Variants in FNDC1 observed in about 807,000 individuals in gnomAD.
The protein encoded by FNDC1 is fibronectin type III domain-containing protein 1.
FNDC1 carries 96 observed loss-of-function variants against 168.0 expected under a neutral mutation model. The observed-to-expected ratio is 0.57, with a 90% CI of 0.48 to 0.68. The LOEUF is 0.68. Ranked by LOEUF, FNDC1 falls within the 30% of genes least tolerant of loss-of-function variation. The pLI, the probability that FNDC1 is intolerant of heterozygous loss-of-function variation, is 0.00. For missense variants in FNDC1, 2,587 were observed against 2,482.1 expected, an observed-to-expected ratio of 1.04 and a Z score of -0.90; for synonymous variants, 1,099 against 1,025.9, an observed-to-expected ratio of 1.07 and a Z score of -1.36.
intron 4 of FNDC1, among the ~76,000 whole-genome samples, chr6:159,201,366 A>G (rs1279412282): frequency 6.6e-6 from 1 of 152,206 alleles, no homozygotes; most frequent in Non-Finnish European, 1.5e-5. Context: ...TTGATAGTGT[A>G]GGTGGTCTTC....
At chr6:159,190,622 G>A (rs917500923) in intron 1 of FNDC1, among the ~76,000 whole-genome samples, 1 of 152,182 alleles carries the variant, frequency 6.6e-6, no homozygotes, top group Non-Finnish European at 1.5e-5. Context: ...CACAATGGTG[G>A]CCACACGTTA....
chr6:159,259,264 TG>T (rs1266660790), intron 18 of FNDC1, among the ~76,000 whole-genome samples: 2 of 152,214 alleles, frequency 1.3e-5, no homozygotes, highest in East Asian at 3.8e-4. Context: ...AATTTCATAT[TG>T]TTTTTCAGCT....
intron 1 of FNDC1, among the ~76,000 whole-genome samples, chr6:159,188,847 A>T (rs1244184116): frequency 6.6e-6 from 1 of 150,896 alleles, no homozygotes; most frequent in Non-Finnish European, 1.5e-5. Context: ...TCCCAGGTTC[A>T]AGCGATTATC....
intron 9 of FNDC1, among the ~76,000 whole-genome samples, chr6:159,228,384 GATTTA>G (rs1783001430): frequency 6.6e-6 from 1 of 152,094 alleles, no homozygotes; most frequent in Non-Finnish European, 1.5e-5. Context: ...TTTCCAGATG[GATTTA>G]ATTTATTTTA....
chr6:159,235,165 T>C (rs934576319), intron 11 of FNDC1, among the ~76,000 whole-genome samples: 2 of 152,220 alleles, frequency 1.3e-5, no homozygotes, highest in Non-Finnish European at 2.9e-5. Flanking sequence ...TGTATTTCTA[T>C]AACAGAGGGT....
rs1288673491 is a variant in FNDC1 at position 159,271,804 on chromosome 6, CT to C, written c.*364del. 2 of 177,210 alleles carry C rather than the reference CT, an allele frequency of 1.1e-5. No homozygotes were observed. Among genetic ancestry groups the C allele is most frequent in the Non-Finnish European group, 2.4e-5 (2 of 83,352 alleles). 11.0% of individuals were successfully genotyped at this position (177,210 alleles called of 1,614,324 possible). A position where few individuals can be genotyped will look rare whatever the true frequency, so the allele number is the denominator to read the frequency against. The stretch of plus-strand genomic sequence containing the variant: ...CCAGGAATAGCATATGCACGCTGTT[CT>C]TGCTTCATGGAATGCTACATGCTTT... On this transcript the variant is annotated 3_prime_UTR_variant, in exon 23 of 23. Transcript: ENST00000297267.
chr6:159,184,165 A>G (rs1001775364), intron 1 of FNDC1, among the ~76,000 whole-genome samples: 1 of 152,246 alleles, frequency 6.6e-6, no homozygotes, highest in African/African-American at 2.4e-5. Context: ...AATGGGGATC[A>G]AAGAGAAAAT....
rs1477936347 is a variant in FNDC1 at position 159,232,866 on chromosome 6, A to G, written c.2354A>G (p.Asp785Gly). 1.2e-6 allele frequency: 2 copies of G among 1,613,570 alleles called. No individual in the cohort carries two copies. The highest frequency in any genetic ancestry group is 1.3e-5 in the African/African-American group (1 of 74,934). The change falls in exon 11 of 23, where the codon GAT becomes GGT. Residue 785 changes from aspartate (D) to glycine (G), a missense_variant. Asp to Gly is a moderately conservative substitution (Grantham distance 94, BLOSUM62 -1). Coordinates refer to ENST00000297267, the MANE Select transcript of FNDC1 (RefSeq NM_032532.3). The surrounding 1 kb of genome is among the most constrained non-coding windows in gnomAD (Gnocchi z 4.9). ...TQVSEGAEASDGESHGDGDRE... is the reference protein window; with the variant it reads ...TQVSEGAEASGGESHGDGDRE... ...GTCTCTGAGGGAGCGGAGGCTTCTG[A>G]TGGTGAAAGCCACGGTGACGGCGAT...
At chr6:159,229,634 CGAAT>C (rs1783038947) in intron 9 of FNDC1, among the ~76,000 whole-genome samples, 177 bp from the exon 10 acceptor site, 1 of 152,158 alleles carries the variant, frequency 6.6e-6, no homozygotes, top group Non-Finnish European at 1.5e-5. Context: ...TGTGGTTGCC[CGAAT>C]GAATGTGAGT....
At chr6:159,189,852 G>A (rs917439881) in intron 1 of FNDC1, among the ~76,000 whole-genome samples, 1 of 152,208 alleles carries the variant, frequency 6.6e-6, no homozygotes. Flanking sequence ...TGCTTGTATT[G>A]TGTTATGAAC....
intron 15 of FNDC1, among the ~76,000 whole-genome samples, chr6:159,248,611 A>T (rs1312662792): frequency 2.6e-5 from 4 of 152,124 alleles, no homozygotes; most frequent in Admixed American, 1.3e-4. Flanking sequence ...GCCAAAAAAA[A>T]ATTTTTAAGA....
intron 8 of FNDC1, among the ~76,000 whole-genome samples, 193 bp downstream of exon 8, chr6:159,225,915 T>A (rs556675613): frequency 3.9e-5 from 6 of 152,340 alleles, no homozygotes; most frequent in African/African-American, 1.4e-4. Flanking sequence ...TGGGTCCATG[T>A]TTTACCGTTT....
intron 1 of FNDC1, among the ~76,000 whole-genome samples, chr6:159,179,754 G>A (rs1330317655): frequency 6.6e-6 from 1 of 152,240 alleles, no homozygotes; most frequent in Non-Finnish European, 1.5e-5. Flanking sequence ...TAGCCTCCGT[G>A]TCTAGAATGC....
rs1018641018 is a variant in FNDC1, at chr6:159,240,055, C to T, written c.4621+98C>T. 5.8e-5 allele frequency: 67 copies of T among 1,148,768 alleles called. No homozygotes were observed. In the South Asian group the frequency reaches 1.0e-3, roughly 18 times the overall value. The allele number at this position is 1,148,768 out of a possible 1,614,324, so 71.2% of individuals were successfully genotyped here. On this transcript the variant is annotated intron_variant, in intron 14 of 22. Coordinates refer to ENST00000297267, the MANE Select transcript of FNDC1 (RefSeq NM_032532.3). Reference sequence around the variant, plus strand: ...GAGCCTGCAGGGGAGGTATGAGCACCGTGCACAGCAAAGCAGCAACCCGAT... The same window carrying T: ...GAGCCTGCAGGGGAGGTATGAGCACTGTGCACAGCAAAGCAGCAACCCGAT...
intron 1 of FNDC1, among the ~76,000 whole-genome samples, chr6:159,190,007 C>T (rs951497365): frequency 3.9e-5 from 6 of 152,168 alleles, no homozygotes; most frequent in African/African-American, 1.4e-4. Flanking sequence ...TTGGAGTTGG[C>T]TAAAGAATGA....
chr6:159,211,749 C>T (rs571642683), intron 4 of FNDC1, among the ~76,000 whole-genome samples: 2 of 152,054 alleles, frequency 1.3e-5, no homozygotes, highest in Non-Finnish European at 2.9e-5. Context: ...GGTATGGCAC[C>T]GAACGCTTTA....
chr6:159,225,570 T>C lies in FNDC1; in HGVS notation c.920T>C (p.Leu307Ser). The C allele has an allele frequency of 6.2e-7, 1 of 1,613,630 alleles. No individual in the cohort carries two copies. Among genetic ancestry groups the C allele is most frequent in the Non-Finnish European group, 8.5e-7 (1 of 1,179,702 alleles). The change falls in exon 8 of 23, where the codon TTG (leucine) becomes TCG (serine). Residue 307 changes from leucine (L) to serine (S), a missense_variant. Physicochemically the swap from Leu to Ser is moderately radical, Grantham distance 145. Transcript: ENST00000297267. The stretch of plus-strand genomic sequence containing the variant: ...GTGCGCTATCGAGAGAAGGGGGAAT[T>C]GGCCAGGTGGGATTATAAGCAGATC... ...YTVRYREKGE[L>S]ARWDYKQIAN...
chr6:159,258,117 T>A (rs1240010486), intron 18 of FNDC1, among the ~76,000 whole-genome samples: 3 of 152,096 alleles, frequency 2.0e-5, no homozygotes, highest in African/African-American at 7.2e-5. Flanking sequence ...TCAGGAGGGT[T>A]ATGTAGGGCG....
intron 1 of FNDC1, among the ~76,000 whole-genome samples, chr6:159,186,929 C>A (rs948343372): frequency 3.3e-5 from 5 of 152,218 alleles, no homozygotes; most frequent in African/African-American, 1.2e-4. Flanking sequence ...CATTGGCATG[C>A]ATGCATGAAA....
Sources: allele counts gnomAD v4.1 joint callset (sites outside exome capture counted in the v4.1 genomes callset), GRCh38; gene constraint gnomAD v4.1.1; non-coding constraint Gnocchi (gnomAD v3.1); transcripts MANE v1.5; gene names NCBI Gene and HGNC (gene_info 2026-07-23, HGNC 2026-07-21).